PMS1: variants seen among roughly 807,000 people sequenced by gnomAD.
PMS1 encodes the protein PMS1 protein homolog 1.
PMS1 carries 79 observed loss-of-function variants against 93.1 expected under a neutral mutation model. That is an observed-to-expected ratio of 0.85 (90% CI 0.71 to 1.02). The LOEUF is 1.02. Ranked by LOEUF, PMS1 falls within the 50% of genes least tolerant of loss-of-function variation. PMS1 has a pLI of 0.00. For missense variants in PMS1, 1,064 were observed against 1,085.3 expected (o/e 0.98, Z 0.28); for synonymous variants, 335 against 363.4 (o/e 0.92, Z 0.89).
intron 5 of PMS1, among the ~76,000 whole-genome samples, chr2:189,842,308 T>C (rs1233258): frequency 0.41 from 62,336 of 151,736 alleles, 15,487 homozygotes; most frequent in African/African-American, 0.71. Flanking sequence ...ATAGGTTCCT[T>C]TTCTTCTTGT....
chr2:189,877,355 C>T lies in PMS1; in HGVS notation c.2718C>T (p.His906=). ...DIQDIIYRMK[H]QFGNEIKECV... ...AAGACATTATCTACAGAATGAAGCA[C>T]CAGTTTGGAAATGAAATTAAAGAGT... The change falls in exon 13 of 13, where the codon CAC becomes CAT. Residue 906 remains histidine, a synonymous_variant. Coordinates refer to ENST00000441310, the MANE Select transcript of PMS1 (RefSeq NM_000534.5). 1 of 1,613,070 alleles carries T rather than the reference C, an allele frequency of 6.2e-7. No individual in the cohort carries two copies.
intron 4 of PMS1, among the ~76,000 whole-genome samples, chr2:189,809,262 C>G (rs1449618526): frequency 6.6e-6 from 1 of 152,058 alleles, no homozygotes; most frequent in African/African-American, 2.4e-5. Flanking sequence ...TAATAAATGG[C>G]ATACCATAGG....
chr2:189,867,422 CT>C (rs1203962416), intron 10 of PMS1, among the ~76,000 whole-genome samples: 3 of 152,154 alleles, frequency 2.0e-5, no homozygotes, highest in African/African-American at 7.2e-5. Flanking sequence ...ACAGAAGAAA[CT>C]TTGAATAGCA....
intron 5 of PMS1, among the ~76,000 whole-genome samples, chr2:189,825,161 C>T (rs2052320192): frequency 6.6e-6 from 1 of 152,064 alleles, no homozygotes; most frequent in Admixed American, 6.5e-5. Context: ...TCTTTGAATA[C>T]TGATAATGTT....
At chr2:189,821,667 G>C (rs1575142524) in intron 5 of PMS1, among the ~76,000 whole-genome samples, 2 of 151,884 alleles carry the variant, frequency 1.3e-5, no homozygotes, top group African/African-American at 4.8e-5. Flanking sequence ...AAATTAGACG[G>C]GTGTGGTGGC....
intron 4 of PMS1, among the ~76,000 whole-genome samples, chr2:189,814,574 A>G (rs1028637955): frequency 6.6e-6 from 1 of 152,174 alleles, no homozygotes; most frequent in Non-Finnish European, 1.5e-5. Context: ...TTCTTTAAGT[A>G]TTCATTTAAG....
chr2:189,798,670 A>C lies in PMS1; in HGVS notation c.315+2719A>C, dbSNP rs536617538. On this transcript the variant is annotated intron_variant, in intron 3 of 12. Transcript: ENST00000441310. ...AAATTGCACGAGGTTTGCATCAGGG[A>C]ACCTCTGAATCTGCCAGTACTATTT... Among the ~76,000 whole-genome samples the C allele has an allele frequency of 1.8e-4, 27 of 151,934 alleles. 1 individual carries two copies. The South Asian group carries it at 5.4e-3, about 30-fold the overall frequency.
In PMS1 at chr2:189,821,788, G is replaced by T. The variant is rs565310251; in HGVS notation, c.582+3608G>T. ...CGCACCACTGCACTCCAGCCTGGGCGACAGAGTGAGAATCTATCTCCAAAA... is the reference window on the plus strand; with the variant it reads ...CGCACCACTGCACTCCAGCCTGGGCTACAGAGTGAGAATCTATCTCCAAAA... On this transcript the variant is annotated intron_variant, in intron 5 of 12. Transcript: ENST00000441310. Among the ~76,000 whole-genome samples, 26 of 152,118 alleles carry T rather than the reference G, an allele frequency of 1.7e-4. 1 individual carries two copies. In the East Asian group the frequency reaches 2.7e-3, roughly 16 times the overall value.
chr2:189,829,288 C>T (rs2052719357), intron 5 of PMS1, among the ~76,000 whole-genome samples: 2 of 152,086 alleles, frequency 1.3e-5, no homozygotes, highest in African/African-American at 2.4e-5. Context: ...ATACCGTAGA[C>T]CTTGTCATTG....
chr2:189,814,148 G>T (rs1339897093), intron 4 of PMS1, among the ~76,000 whole-genome samples: 3 of 132,726 alleles, frequency 2.3e-5, no homozygotes, highest in Non-Finnish European at 4.6e-5. Flanking sequence ...CTAAGCCAAA[G>T]AATAGTAGCG....
intron 5 of PMS1, among the ~76,000 whole-genome samples, chr2:189,835,039 C>A (rs1302792563): frequency 6.6e-6 from 1 of 152,140 alleles, no homozygotes; most frequent in Admixed American, 6.5e-5. Flanking sequence ...AAGATCATAC[C>A]TTTACATGGT....
rs141117480 is a variant in PMS1, at chr2:189,830,434, C to CT, written c.582+12257dup. On this transcript the variant is annotated intron_variant, in intron 5 of 12. Coordinates refer to ENST00000441310, the MANE Select transcript of PMS1 (RefSeq NM_000534.5). ...CTCAACTTTTAGGTCTTCACTTAAA[C>CT]TTTCTCCGTGAGGCTTTCTTTAGCC... Among the ~76,000 whole-genome samples the CT allele has an allele frequency of 4.3e-4, 65 of 152,290 alleles. 1 individual carries two copies. Among genetic ancestry groups the CT allele is most frequent in the African/African-American group, 1.5e-3 (63 of 41,548 alleles).
intron 11 of PMS1, among the ~76,000 whole-genome samples, chr2:189,871,039 C>G (rs994738401): frequency 1.3e-5 from 2 of 152,214 alleles, no homozygotes; most frequent in Admixed American, 1.3e-4. Flanking sequence ...ATAGTGCCAG[C>G]GTCTGCTTTC....
At chr2:189,809,108 A>G (rs1041012045) in intron 4 of PMS1, among the ~76,000 whole-genome samples, 2 of 152,164 alleles carry the variant, frequency 1.3e-5, no homozygotes, top group Admixed American at 1.3e-4. Context: ...GTAAATTCCT[A>G]CGGTGTGTGA....
At chr2:189,799,752 C>G (rs1303041872) in intron 3 of PMS1, among the ~76,000 whole-genome samples, 1 of 152,184 alleles carries the variant, frequency 6.6e-6, no homozygotes, top group Non-Finnish European at 1.5e-5. Context: ...CTGGAGCTTG[C>G]CCTTACCGCA....
At chr2:189,850,791 G>T (rs1175088590) in intron 6 of PMS1, among the ~76,000 whole-genome samples, 1 of 152,138 alleles carries the variant, frequency 6.6e-6, no homozygotes, top group South Asian at 2.1e-4. Context: ...TTGTGAGGGT[G>T]TCGGGCTGCA....
intron 3 of PMS1, among the ~76,000 whole-genome samples, chr2:189,801,054 G>A (rs999452968): frequency 6.6e-6 from 1 of 151,960 alleles, no homozygotes; most frequent in African/African-American, 2.4e-5. Flanking sequence ...GTAGAGATAG[G>A]GTCTCACTCT....
intron 5 of PMS1, among the ~76,000 whole-genome samples, chr2:189,843,087 G>A (rs1033355442): frequency 1.3e-5 from 2 of 151,330 alleles, no homozygotes; most frequent in East Asian, 1.9e-4. Context: ...GCGTGTTCTC[G>A]CCTCACTGCA....
chr2:189,840,945 G>A lies in PMS1; in HGVS notation c.583-3019G>A, dbSNP rs146826599. Reference sequence around the variant, plus strand: ...TACCCTCAATTGGAGATTACACAGCGTATCACAAGGCCATGGGGGATAATC... The same window carrying A: ...TACCCTCAATTGGAGATTACACAGCATATCACAAGGCCATGGGGGATAATC... On this transcript the variant is annotated intron_variant, in intron 5 of 12. Transcript: ENST00000441310. Among the ~76,000 whole-genome samples the A allele has an allele frequency of 4.4e-4, 67 of 152,262 alleles. No homozygotes were observed. The East Asian group carries it at 0.013, about 29-fold the overall frequency.
Sources: gnomAD v4.1 joint callset for allele counts (sites outside exome capture counted in the v4.1 genomes callset) on GRCh38, gnomAD v4.1.1 for gene constraint, MANE v1.5 for transcripts, NCBI Gene and HGNC (gene_info 2026-07-23, HGNC 2026-07-21) for gene names.